The following SLC36A1 variants were observed in gnomAD, a reference collection of about 807,000 sequenced individuals.
SLC36A1 encodes proton-coupled amino acid transporter 1.
In SLC36A1, 30 loss-of-function variants were observed where a neutral mutation model predicts 47.5. The observed-to-expected ratio is 0.63, with a 90% confidence interval of 0.47 to 0.86. SLC36A1 has a LOEUF of 0.86. SLC36A1 is among the 40% of genes least tolerant of loss of function. SLC36A1 has a pLI of 0.00. For missense variants in SLC36A1, 517 were observed against 606.0 expected (o/e 0.85, Z 1.54); for synonymous variants, 255 against 249.7 (o/e 1.02, Z -0.20).
At chr5:151,511,985 G>A in the SLC36A1 span, 1 of 612,912 alleles carries the variant, frequency 1.6e-6, no homozygotes, top group Non-Finnish European at 2.9e-6. Flanking sequence ...GAGAGGGAAG[G>A]AAGACTCCTG....
At chr5:151,441,605 A>G (rs1220721335) in intron 1 of SLC36A1, among the ~76,000 whole-genome samples, 3 of 152,218 alleles carry the variant, frequency 2.0e-5, no homozygotes, top group African/African-American at 4.8e-5. Flanking sequence ...TAATTGTATA[A>G]TATAGGGTTT....
At chr5:151,550,581 T>C in the SLC36A1 span, 2 of 1,613,748 alleles carry the variant, frequency 1.2e-6, no homozygotes, top group Non-Finnish European at 1.7e-6. Flanking sequence ...GATTTTTCCA[T>C]TTACTCACCA....
chr5:151,346,894 A>AC, the SLC36A1 span, among the ~76,000 whole-genome samples: 3 of 152,300 alleles, frequency 2.0e-5, no homozygotes, highest in East Asian at 5.8e-4. Context: ...CAGTGAGGCC[A>AC]CTGTGGTTTT....
intron 1 of SLC36A1, among the ~76,000 whole-genome samples, chr5:151,457,677 G>A (rs1439685689): frequency 6.6e-6 from 1 of 152,130 alleles, no homozygotes; most frequent in Non-Finnish European, 1.5e-5. Flanking sequence ...AGCAAGAAAG[G>A]AGTCCCAGGG....
chr5:151,414,971 C>A, the SLC36A1 span, among the ~76,000 whole-genome samples: 3,374 of 152,188 alleles, frequency 0.022, 124 homozygotes, highest in African/African-American at 0.077. Flanking sequence ...AGGCTCATTA[C>A]ATTTATGTCC....
Position 151,488,395 on chromosome 5 carries a change from C to T in SLC36A1, c.*141C>T, listed in dbSNP as rs1166217765. ...AACCCCTCTGCCTGGCACCTGGATA[C>T]CCTGGGCCAGGTAACCTGAGGGCAG... is the stretch of plus-strand genomic sequence containing the variant. On this transcript the variant is annotated 3_prime_UTR_variant, in exon 11 of 11. Transcript: ENST00000243389. 1.7e-6 allele frequency: 2 copies of T among 1,145,026 alleles called. No homozygotes were observed. The highest frequency in any genetic ancestry group is 1.6e-5 in the South Asian group (1 of 61,880). The allele number at this position is 1,145,026 out of a possible 1,614,324, so 70.9% of individuals were successfully genotyped here.
At chr5:151,348,955 A>G in the SLC36A1 span, among the ~76,000 whole-genome samples, 1 of 152,292 alleles carries the variant, frequency 6.6e-6, no homozygotes, top group South Asian at 2.1e-4. Flanking sequence ...CTTGTCCTGA[A>G]TCAACTGAAA....
chr5:151,473,537 T>G (rs1757615154), intron 7 of SLC36A1, 136 bp from the exon 8 acceptor site: 3 of 629,756 alleles, frequency 4.8e-6, no homozygotes, highest in Non-Finnish European at 8.5e-6. Context: ...AAATCATCTG[T>G]CAGGTATTAG....
At chr5:151,555,877 C>G in the SLC36A1 span, among the ~76,000 whole-genome samples, 1 of 152,128 alleles carries the variant, frequency 6.6e-6, no homozygotes, top group African/African-American at 2.4e-5. Context: ...CCCTCTAGGT[C>G]ACTAACCAAA....
chr5:151,505,335 GC>G, the SLC36A1 span: 1 of 584,496 alleles, frequency 1.7e-6, no homozygotes, highest in Non-Finnish European at 3.0e-6. Context: ...CTCTAGAAAT[GC>G]CCCTCTCCTG....
chr5:151,369,701 A>G, the SLC36A1 span, among the ~76,000 whole-genome samples: 49,607 of 152,204 alleles, frequency 0.33, 11,526 homozygotes, highest in African/African-American at 0.66. Context: ...AGGTTGGTCT[A>G]GAACTCCTGG....
the SLC36A1 span, among the ~76,000 whole-genome samples, chr5:151,410,208 G>A: frequency 6.6e-6 from 1 of 151,780 alleles, no homozygotes; most frequent in Non-Finnish European, 1.5e-5. Context: ...ATTTGTTCAC[G>A]GCTGTATTAC....
At position 151,491,509 on chromosome 5, in the gene SLC36A1, A is replaced by G. The variant is rs952794510; in HGVS notation, c.*3255A>G. The G allele has an allele frequency of 6.5e-5, 7 of 107,316 alleles. No homozygotes were observed. Among genetic ancestry groups the G allele is most frequent in the African/African-American group, 4.2e-4 (6 of 14,348 alleles). The allele number at this position is 107,316 out of a possible 1,614,324, so 6.6% of individuals were successfully genotyped here. On this transcript the variant is annotated 3_prime_UTR_variant, in exon 11 of 11. Transcript: ENST00000243389. ...AGAAAAATCATGTTTCTTCTCTCTC[A>G]TCTTACTTTTTCTTCTCAGATTTCT... is the stretch of plus-strand genomic sequence containing the variant.
At chr5:151,505,497 C>G in the SLC36A1 span, 6 of 1,589,822 alleles carry the variant, frequency 3.8e-6, no homozygotes, top group African/African-American at 8.1e-5. Context: ...TCACCCCCTA[C>G]GAGACAGGAA....
Position 151,464,525 on chromosome 5 carries a change from C to T in SLC36A1, c.246C>T (p.Ile82=), listed in dbSNP as rs982844089. Residue 82 remains isoleucine (I), a synonymous_variant, in exon 4 of 11, where the codon ATC becomes ATT. Coordinates refer to ENST00000243389, the MANE Select transcript of SLC36A1 (RefSeq NM_078483.4). ...ATATCTGTCCCCAGATGGGTCCCATCAGCCTGCTGATCATAGGCATCGTGG... is the reference window on the plus strand; with the variant it reads ...ATATCTGTCCCCAGATGGGTCCCATTAGCCTGCTGATCATAGGCATCGTGG... ...VKNAGIVMGP[I]SLLIIGIVAV... is the part of the protein sequence containing the mutation. 2.5e-6 allele frequency: 4 copies of T among 1,613,828 alleles called. No individual in the cohort carries two copies. The highest frequency in any genetic ancestry group is 3.4e-6 in the Non-Finnish European group (4 of 1,179,998).
the SLC36A1 span, among the ~76,000 whole-genome samples, chr5:151,375,663 A>G: frequency 6.6e-6 from 1 of 152,016 alleles, no homozygotes; most frequent in South Asian, 2.1e-4. Context: ...CAGTATAGTC[A>G]TTTTAACAAC....
chr5:151,505,931 G>T, the SLC36A1 span: 2 of 1,585,512 alleles, frequency 1.3e-6, no homozygotes, highest in Admixed American at 1.9e-5. Flanking sequence ...TCTCCAGGGG[G>T]AAGGGGAAGC....
chr5:151,367,645 G>T, the SLC36A1 span, among the ~76,000 whole-genome samples: 2 of 152,134 alleles, frequency 1.3e-5, no homozygotes, highest in African/African-American at 4.8e-5. Flanking sequence ...CAGTGGTCCT[G>T]AGGTGACGTA....
chr5:151,483,520 G>GT (rs745868506), intron 10 of SLC36A1, among the ~76,000 whole-genome samples: 1 of 144,656 alleles, frequency 6.9e-6, no homozygotes, highest in African/African-American at 2.7e-5. Flanking sequence ...GTGTGTGTGG[G>GT]GGGGGTGATT....
Sources: allele counts gnomAD v4.1 joint callset (sites outside exome capture counted in the v4.1 genomes callset), GRCh38; gene constraint gnomAD v4.1.1; transcripts MANE v1.5; gene names NCBI Gene and HGNC (gene_info 2026-07-23, HGNC 2026-07-21).